EFCAB6: variants seen among roughly 807,000 people sequenced by gnomAD.
EFCAB6 encodes EF-hand calcium binding domain 6, also known as EF-hand calcium-binding domain-containing protein 6.
In EFCAB6, 156 loss-of-function variants were observed where a neutral mutation model predicts 169.8. That is an observed-to-expected ratio of 0.92 (90% CI 0.81 to 1.05). EFCAB6 has a LOEUF of 1.05. Ranked by LOEUF, EFCAB6 falls within the 50% of genes least tolerant of loss-of-function variation. The pLI, the probability that EFCAB6 is intolerant of heterozygous loss-of-function variation, is 0.00. For synonymous variants in EFCAB6, 698 were observed against 676.4 expected (o/e 1.03, Z -0.50); for missense variants, 1,800 against 1,829.1 (o/e 0.98, Z 0.29).
intron 17 of EFCAB6, among the ~76,000 whole-genome samples, chr22:43,652,813 T>C (rs1254903675): frequency 1.6e-5 from 2 of 121,706 alleles, no homozygotes; most frequent in African/African-American, 5.6e-5. Flanking sequence ...ATATTGGAAA[T>C]ACCAGAAAAA....
intron 17 of EFCAB6, among the ~76,000 whole-genome samples, chr22:43,665,602 C>T (rs747404895): frequency 6.6e-6 from 1 of 152,188 alleles, no homozygotes; most frequent in African/African-American, 2.4e-5. Context: ...GGGCCCTGCA[C>T]GGGCAGGGAT....
intron 17 of EFCAB6, among the ~76,000 whole-genome samples, chr22:43,644,799 C>T (rs967478160): frequency 3.3e-5 from 5 of 152,174 alleles, no homozygotes; most frequent in Non-Finnish European, 1.5e-5. Context: ...CACAGAATGA[C>T]AAAATGCTGA....
chr22:43,568,453 G>C (rs964294330), intron 26 of EFCAB6, among the ~76,000 whole-genome samples: 1 of 152,216 alleles, frequency 6.6e-6, no homozygotes, highest in Non-Finnish European at 1.5e-5. Context: ...ATCCACAAAT[G>C]GTTGTCGTGG....
chr22:43,785,455 T>C (rs1265845302), intron 2 of EFCAB6, among the ~76,000 whole-genome samples: 1 of 152,132 alleles, frequency 6.6e-6, no homozygotes, highest in Non-Finnish European at 1.5e-5. Flanking sequence ...CAAATAGTTT[T>C]AGATGGATGA....
At chr22:43,803,993 C>A (rs904797534) in intron 2 of EFCAB6, among the ~76,000 whole-genome samples, 1 of 152,140 alleles carries the variant, frequency 6.6e-6, no homozygotes, top group East Asian at 1.9e-4. Context: ...ATTATAGACA[C>A]GCACCACTGT....
chr22:43,539,609 C>A (rs1204134178), intron 28 of EFCAB6, among the ~76,000 whole-genome samples: 1 of 152,188 alleles, frequency 6.6e-6, no homozygotes, highest in Non-Finnish European at 1.5e-5. Context: ...TCCTCCGTCC[C>A]AGGCCTGGGG....
At chr22:43,742,915 C>T (rs2060425503) in intron 6 of EFCAB6, among the ~76,000 whole-genome samples, 1 of 152,162 alleles carries the variant, frequency 6.6e-6, no homozygotes, top group Non-Finnish European at 1.5e-5. Flanking sequence ...TAGGGGAGGA[C>T]CATGAGACCA....
At chr22:43,705,695 C>T (rs564061962) in intron 10 of EFCAB6, among the ~76,000 whole-genome samples, 290 of 151,892 alleles carry the variant, frequency 1.9e-3, no homozygotes, top group African/African-American at 6.8e-3. Context: ...TTAAGACAAA[C>T]GAAAGTGGAA....
intron 6 of EFCAB6, among the ~76,000 whole-genome samples, chr22:43,742,469 G>C (rs73888097): frequency 0.022 from 3,375 of 152,304 alleles, 113 homozygotes; most frequent in African/African-American, 0.078. Context: ...TTACATCTGA[G>C]TGGGTGAGGA....
chr22:43,751,687 TG>T (rs2060771133), intron 6 of EFCAB6, among the ~76,000 whole-genome samples: 1 of 152,202 alleles, frequency 6.6e-6, no homozygotes, highest in African/African-American at 2.4e-5. Context: ...ACTCTGTGGT[TG>T]GAACACAAAG....
chr22:43,760,203 C>A (rs1363225982), intron 5 of EFCAB6, among the ~76,000 whole-genome samples: 669 of 104,410 alleles, frequency 6.4e-3, no homozygotes, highest in African/African-American at 7.6e-3. Context: ...GACTCTGTCT[C>A]AAAAAAAAAA....
At position 43,731,759 on chromosome 22, in the gene EFCAB6, A is replaced by C; in HGVS notation, c.697T>G (p.Phe233Val). The C allele has an allele frequency of 1.9e-6, 3 of 1,604,170 alleles. No homozygotes were observed. Among genetic ancestry groups the C allele is most frequent in the Non-Finnish European group, 2.5e-6 (3 of 1,176,970 alleles). ...TTATTTATGCTGAGATTCTTCAAAAACACGTTGTAATCTACTGCAGTATCC... is the reference window on the plus strand; with the variant it reads ...TTATTTATGCTGAGATTCTTCAAAACCACGTTGTAATCTACTGCAGTATCC... ...HKDTAVDYNV[F>V]LKNLSINNDL... The change falls in exon 8 of 32, where the codon TTT becomes GTT. Residue 233 changes from phenylalanine (F) to valine (V), a missense_variant. Coordinates refer to ENST00000262726, the MANE Select transcript of EFCAB6 (RefSeq NM_022785.4).
At chr22:43,593,239 G>A (rs1319114239) in intron 23 of EFCAB6, among the ~76,000 whole-genome samples, 1 of 152,248 alleles carries the variant, frequency 6.6e-6, no homozygotes, top group Non-Finnish European at 1.5e-5. Context: ...GAGAGCATGG[G>A]TGTGGCAAGG....
intron 22 of EFCAB6, among the ~76,000 whole-genome samples, chr22:43,606,313 T>A (rs2052915128): frequency 1.3e-5 from 2 of 152,240 alleles, no homozygotes; most frequent in Admixed American, 1.3e-4. Context: ...TAAGAGCATT[T>A]GAGTGTCTTT....
chr22:43,617,331 G>T (rs1349999681), intron 20 of EFCAB6, among the ~76,000 whole-genome samples: 1 of 152,202 alleles, frequency 6.6e-6, no homozygotes, highest in Non-Finnish European at 1.5e-5. Flanking sequence ...CCAAAGTGCT[G>T]TCAGAGAGCC....
chr22:43,615,780 T>C (rs781042358), intron 21 of EFCAB6, 46 bp downstream of exon 21: 121 of 1,533,840 alleles, frequency 7.9e-5, no homozygotes, highest in South Asian at 2.8e-4. Context: ...TCTTGAAACA[T>C]TGAAATAGAT....
chr22:43,701,210 AC>A (rs1434444463), intron 10 of EFCAB6, among the ~76,000 whole-genome samples: 1 of 152,122 alleles, frequency 6.6e-6, no homozygotes, highest in Non-Finnish European at 1.5e-5. Context: ...ACACAGTGCT[AC>A]CCAGTGGGCC....
chr22:43,632,291 C>CTTTT, intron 18 of EFCAB6, 53 bp from the exon 19 acceptor site: 17 of 1,316,622 alleles, frequency 1.3e-5, no homozygotes, highest in East Asian at 5.1e-5. Flanking sequence ...AGCTTCATTC[C>CTTTT]TTCTTTTTTT....
At chr22:43,784,635 A>ATATATACACACATATATGTG (rs754312290) in intron 2 of EFCAB6, among the ~76,000 whole-genome samples, 15 of 59,174 alleles carry the variant, frequency 2.5e-4, no homozygotes, top group Non-Finnish European at 3.1e-4. Flanking sequence ...ATATATATGT[A>ATATATACACACATATATGTG]TATGTACACA....
Sources: allele counts gnomAD v4.1 joint callset (sites outside exome capture counted in the v4.1 genomes callset), GRCh38; gene constraint gnomAD v4.1.1; transcripts MANE v1.5; gene names NCBI Gene and HGNC (gene_info 2026-07-23, HGNC 2026-07-21).